The following DYRK1A variants were observed in gnomAD, a reference collection of about 807,000 sequenced individuals.
DYRK1A encodes dual specificity tyrosine-phosphorylation-regulated kinase 1A.
DYRK1A carries 9 observed loss-of-function variants against 79.7 expected under a neutral mutation model. The observed-to-expected ratio is 0.11, with a 90% confidence interval of 0.07 to 0.20. The LOEUF (loss-of-function observed/expected upper bound fraction) is 0.20, where lower values mean the gene tolerates loss of function less well. DYRK1A is among the 10% of genes least tolerant of loss of function. DYRK1A has a pLI of 1.00. For missense variants in DYRK1A, 622 were observed against 956.0 expected, an observed-to-expected ratio of 0.65 and a Z score of 4.61; for synonymous variants, 349 against 329.7, an observed-to-expected ratio of 1.06 and a Z score of -0.63.
chr21:37,457,241 T>TC (rs112122406), intron 2 of DYRK1A, among the ~76,000 whole-genome samples: 2,237 of 151,724 alleles, frequency 0.015, 56 homozygotes, highest in African/African-American at 0.05. Flanking sequence ...AATTTTTGTA[T>TC]CCCCCCCGCA....
chr21:37,400,874 G>GAAAA (rs2050039648), intron 1 of DYRK1A, among the ~76,000 whole-genome samples: 1 of 152,214 alleles, frequency 6.6e-6, no homozygotes, highest in Admixed American at 6.5e-5. Context: ...GCCAGGTGCA[G>GAAAA]TGGCTCACGC....
Position 37,505,267 on chromosome 21 carries a change from A to G in DYRK1A, c.1213-16A>G. On this transcript the variant is annotated splice_polypyrimidine_tract_variant and intron_variant, in intron 9 of 11. Coordinates refer to ENST00000647188, the MANE Select transcript of DYRK1A (RefSeq NM_001347721.2). ...CCACCAAATTTAGAGAAAGCCTTTCATCTTCTCTCTTACAGGAGTACAAAC... is the reference window on the plus strand; with the variant it reads ...CCACCAAATTTAGAGAAAGCCTTTCGTCTTCTCTCTTACAGGAGTACAAAC... 6.4e-7 allele frequency: 1 copy of G among 1,572,274 alleles called. No individual in the cohort carries two copies. The highest frequency in any genetic ancestry group is 2.3e-5 in the East Asian group (1 of 44,328).
chr21:37,480,839 A>G lies in DYRK1A; in HGVS notation c.489+13A>G. The G allele has an allele frequency of 1.3e-6, 2 of 1,567,176 alleles. No individual in the cohort carries two copies. Among genetic ancestry groups the G allele is most frequent in the Non-Finnish European group, 1.7e-6 (2 of 1,158,882 alleles). ...TTCCTTTGGACAGGTAATTTAATGG[A>G]AAATGCTGAATTTCATTAGTTAGAA... On this transcript the variant is annotated intron_variant, in intron 5 of 11. Coordinates refer to ENST00000647188, the MANE Select transcript of DYRK1A (RefSeq NM_001347721.2).
intron 5 of DYRK1A, chr21:37,481,723 G>T (rs990864518): frequency 1.3e-5 from 2 of 151,926 alleles, no homozygotes; most frequent in African/African-American, 4.8e-5. Context: ...ATATTTTTTC[G>T]GGTCAGGCGT....
chr21:37,498,255 C>T (rs1346187192), intron 9 of DYRK1A, among the ~76,000 whole-genome samples: 1 of 152,052 alleles, frequency 6.6e-6, no homozygotes, highest in Non-Finnish European at 1.5e-5. Flanking sequence ...ATATAAGATA[C>T]ATATTTTAAG....
chr21:37,434,586 C>T (rs749398686), intron 2 of DYRK1A, among the ~76,000 whole-genome samples: 1 of 152,120 alleles, frequency 6.6e-6, no homozygotes, highest in Non-Finnish European at 1.5e-5. Context: ...AATGTAATGT[C>T]TTTTATTTAC....
intron 2 of DYRK1A, among the ~76,000 whole-genome samples, chr21:37,445,892 C>G (rs2051254227): frequency 6.6e-6 from 1 of 152,114 alleles, no homozygotes; most frequent in Non-Finnish European, 1.5e-5. Flanking sequence ...GCCTGTAATC[C>G]CAGCACTTTG....
Position 37,515,750 on chromosome 21 carries a change from A to G in DYRK1A, c.*3219A>G, listed in dbSNP as rs2148668800. ...GGTTGGTTGCGTAAAGTTGAAGTTA[A>G]CCACATGTAAGAAAGGAAAACTTCC... On this transcript the variant is annotated 3_prime_UTR_variant, in exon 12 of 12. Coordinates refer to ENST00000647188, the MANE Select transcript of DYRK1A (RefSeq NM_001347721.2). 6.6e-6 allele frequency: 1 copy of G among 152,258 alleles called. No individual in the cohort carries two copies. The highest frequency in any genetic ancestry group is 1.5e-5 in the Non-Finnish European group (1 of 68,012). 9.4% of individuals were successfully genotyped at this position (152,258 alleles called of 1,614,324 possible).
intron 2 of DYRK1A, among the ~76,000 whole-genome samples, chr21:37,435,737 A>T (rs1166464932): frequency 1.3e-5 from 2 of 152,198 alleles, no homozygotes; most frequent in African/African-American, 4.8e-5. Flanking sequence ...TTTTATAAAG[A>T]TACACGTTTG....
intron 1 of DYRK1A, among the ~76,000 whole-genome samples, chr21:37,418,501 C>A (rs140982775): frequency 6.6e-6 from 1 of 151,894 alleles, no homozygotes; most frequent in Non-Finnish European, 1.5e-5. Context: ...TCGAAACTGG[C>A]GAGGTGTAAG....
At chr21:37,464,648 A>G (rs1427318892) in intron 2 of DYRK1A, among the ~76,000 whole-genome samples, 3 of 152,206 alleles carry the variant, frequency 2.0e-5, no homozygotes, top group African/African-American at 7.2e-5. Context: ...TTAAGCTAAG[A>G]TATTATTATA....
At chr21:37,386,715 G>C (rs1344057674) in intron 1 of DYRK1A, among the ~76,000 whole-genome samples, 2 of 152,170 alleles carry the variant, frequency 1.3e-5, no homozygotes, top group African/African-American at 2.4e-5. Flanking sequence ...AGGCTCAGGG[G>C]CTAATTGATT....
At chr21:37,466,343 A>G (rs1402614431) in intron 2 of DYRK1A, among the ~76,000 whole-genome samples, 1 of 152,236 alleles carries the variant, frequency 6.6e-6, no homozygotes, top group Non-Finnish European at 1.5e-5. Flanking sequence ...TCAAGGATGC[A>G]TAATCTTTTG....
At chr21:37,399,225 A>G (rs906350730) in intron 1 of DYRK1A, among the ~76,000 whole-genome samples, 4 of 152,156 alleles carry the variant, frequency 2.6e-5, no homozygotes, top group African/African-American at 9.7e-5. Context: ...GTGGGGCCAA[A>G]TCTGGATTGT....
chr21:37,396,576 T>C (rs1203166325), intron 1 of DYRK1A, among the ~76,000 whole-genome samples: 1 of 152,052 alleles, frequency 6.6e-6, no homozygotes, highest in Admixed American at 6.6e-5. Context: ...TAGAATCTAG[T>C]CCGTAGCGTA....
At chr21:37,450,280 C>T (rs1345107556) in intron 2 of DYRK1A, among the ~76,000 whole-genome samples, 1 of 152,160 alleles carries the variant, frequency 6.6e-6, no homozygotes, top group African/African-American at 2.4e-5. Context: ...TTCCATGATT[C>T]TCATGAACTG....
chr21:37,459,694 A>G (rs572223569), intron 2 of DYRK1A, among the ~76,000 whole-genome samples: 9 of 152,334 alleles, frequency 5.9e-5, no homozygotes, highest in African/African-American at 1.4e-4. Flanking sequence ...GTATTGAGAC[A>G]TGATACTGCC....
chr21:37,460,366 G>A (rs2148524667), intron 2 of DYRK1A, among the ~76,000 whole-genome samples: 1 of 152,262 alleles, frequency 6.6e-6, no homozygotes, highest in African/African-American at 2.4e-5. Context: ...GCCATGGGGA[G>A]GCAGTAGCGA....
At chr21:37,430,452 C>T in intron 2 of DYRK1A, 1 of 974,042 alleles carries the variant, frequency 1.0e-6, no homozygotes, top group Non-Finnish European at 1.2e-6. Flanking sequence ...GTTCAACTTG[C>T]ACTAGGATAG....
Sources: gnomAD v4.1 joint callset for allele counts (sites outside exome capture counted in the v4.1 genomes callset) on GRCh38, gnomAD v4.1.1 for gene constraint, MANE v1.5 for transcripts, NCBI Gene and HGNC (gene_info 2026-07-23, HGNC 2026-07-21) for gene names.